Variants in DNAJB13 observed in about 807,000 individuals in gnomAD.
DNAJB13 encodes DnaJ heat shock protein family (Hsp40) member B13.
DNAJB13 carries 22 observed loss-of-function variants against 35.6 expected under a neutral mutation model. The ratio of observed to expected loss-of-function variants is 0.62; its 90% CI spans 0.44 to 0.88. The LOEUF is 0.88. Among genes scored for constraint, DNAJB13 ranks in the 40% least tolerant of loss-of-function variants. The pLI is 0.00. For synonymous variants in DNAJB13, 136 were observed against 144.2 expected (o/e 0.94, Z 0.41); for missense variants, 370 against 384.3 (o/e 0.96, Z 0.31).
chr11:73,969,861 C>T, intron 7 of DNAJB13, 100 bp from the exon 8 acceptor site: 1 of 1,437,906 alleles, frequency 7.0e-7, no homozygotes, highest in South Asian at 1.5e-5. Flanking sequence ...CAGTGACTGT[C>T]CCCTTCCTGG....
intron 4 of DNAJB13, 27 bp from the exon 5 acceptor site, chr11:73,966,111 C>T: frequency 6.3e-7 from 1 of 1,594,918 alleles, no homozygotes; most frequent in East Asian, 2.2e-5. Context: ...CTAAGCAGAC[C>T]TCCCCACACC....
At chr11:73,954,032 A>ATATTAT (rs377643013) in intron 1 of DNAJB13, among the ~76,000 whole-genome samples, 46 of 145,276 alleles carry the variant, frequency 3.2e-4, no homozygotes, top group African/African-American at 1.1e-3. Context: ...AATAATAATA[A>ATATTAT]TAATAATAAT....
At chr11:73,952,017 C>A (rs1449238213) in intron 1 of DNAJB13, among the ~76,000 whole-genome samples, 1 of 152,196 alleles carries the variant, frequency 6.6e-6, no homozygotes, top group Non-Finnish European at 1.5e-5. Flanking sequence ...TACTTCACTC[C>A]TGCTGCAGTG....
rs117097339 is a variant in DNAJB13, at chr11:73,965,109, G to C, written c.492+74G>C. Reference sequence around the variant, plus strand: ...TAGCAGCTGCCTCCTCCCTTACCTGGGTGGGAGGACTCAGGGATGGTCTCT... The same window carrying C: ...TAGCAGCTGCCTCCTCCCTTACCTGCGTGGGAGGACTCAGGGATGGTCTCT... On this transcript the variant is annotated intron_variant, in intron 4 of 7. Transcript: ENST00000339764. 0.018 allele frequency: 25,594 copies of C among 1,449,626 alleles called. 271 individuals are homozygous for C. The highest frequency in any genetic ancestry group is 0.027 in the Middle Eastern group (116 of 4,276). 89.8% of individuals were successfully genotyped at this position (1,449,626 alleles called of 1,614,324 possible).
chr11:73,967,405 A>G (rs1404587009), intron 5 of DNAJB13, among the ~76,000 whole-genome samples: 1 of 152,212 alleles, frequency 6.6e-6, no homozygotes, highest in Admixed American at 6.5e-5. Flanking sequence ...GCCAGGGAAG[A>G]CACATTCCTT....
In DNAJB13 at chr11:73,969,705, C is replaced by T. The variant is rs114530185; in HGVS notation, c.798-256C>T. 0.016 allele frequency among the ~76,000 whole-genome samples: 2,402 copies of T among 152,218 alleles called. 61 individuals carry two copies. The highest frequency in any genetic ancestry group is 0.056 in the African/African-American group (2,308 of 41,504). On this transcript the variant is annotated intron_variant, in intron 7 of 7. Transcript: ENST00000339764. ...GGCAGCCCAGCACCCTCGCCCTCAC[C>T]CCAGGGTTTGCTCACCTTTACTTCC...
intron 5 of DNAJB13, among the ~76,000 whole-genome samples, chr11:73,966,688 ATTT>A (rs1951126154): frequency 6.6e-6 from 1 of 151,516 alleles, no homozygotes; most frequent in African/African-American, 2.4e-5. Context: ...TTATTTATTT[ATTT>A]TTATTTTGAG....
rs568242953 is a variant in DNAJB13 at position 73,966,082 on chromosome 11, G to A, written c.493-56G>A. On this transcript the variant is annotated intron_variant, in intron 4 of 7. Coordinates refer to ENST00000339764, the MANE Select transcript of DNAJB13 (RefSeq NM_153614.4). ...GTTCATGAAAATCTGAGCAAATCTC[G>A]ACTGTACTCATGGAAGTCCTAAGCA... 41 of 1,499,272 alleles carry A rather than the reference G, an allele frequency of 2.7e-5. No individual in the cohort carries two copies. In the African/African-American group the frequency reaches 4.3e-4, roughly 16 times the overall value. The allele number at this position is 1,499,272 out of a possible 1,614,324, so 92.9% of individuals were successfully genotyped here.
intron 4 of DNAJB13, chr11:73,965,240 C>T (rs548608703): frequency 3.9e-6 from 2 of 513,200 alleles, no homozygotes; most frequent in South Asian, 3.1e-5. Flanking sequence ...TTTCCTAGTG[C>T]AGGAGTGCCC....
At position 73,968,147 on chromosome 11, in the gene DNAJB13, G is replaced by T. The variant is rs528615565; in HGVS notation, c.607-198G>T. ...GCATGCTCAGTACAGAAGTAATTCT[G>T]GGGGGATTCATTTGGGTAAGCTTCT... On this transcript the variant is annotated intron_variant, in intron 5 of 7. Coordinates refer to ENST00000339764, the MANE Select transcript of DNAJB13 (RefSeq NM_153614.4). 11 of 604,924 alleles carry T rather than the reference G, an allele frequency of 1.8e-5. No individual in the cohort carries two copies. In the South Asian group the frequency reaches 2.2e-4, roughly 12 times the overall value. The allele number at this position is 604,924 out of a possible 1,614,324, so 37.5% of individuals were successfully genotyped here.
chr11:73,951,348 C>A (rs1950581068), intron 1 of DNAJB13, among the ~76,000 whole-genome samples: 1 of 152,190 alleles, frequency 6.6e-6, no homozygotes, highest in African/African-American at 2.4e-5. Context: ...TGCTCCCAAC[C>A]CATCTCCCTT....
At chr11:73,960,037 G>A (rs1292725434) in intron 3 of DNAJB13, among the ~76,000 whole-genome samples, 1 of 152,056 alleles carries the variant, frequency 6.6e-6, no homozygotes, top group East Asian at 1.9e-4. Context: ...CAAAGTGCTA[G>A]GATTACAGGC....
At chr11:73,965,071 A>G (rs764051914) in intron 4 of DNAJB13, 36 bp downstream of exon 4, 6 of 1,530,842 alleles carry the variant, frequency 3.9e-6, no homozygotes, top group Middle Eastern at 2.0e-4. Flanking sequence ...GGAGCCACCT[A>G]TCTCCTGCAG....
chr11:73,966,136 A>G lies in DNAJB13; in HGVS notation c.493-2A>G. On this transcript the variant is annotated splice_acceptor_variant, in intron 4 of 7. Transcript: ENST00000339764. LOFTEE classifies it high-confidence loss of function. ...CTCCCCACACCTGATATGTTGCTAT[A>G]GGTGCTGAACGAGGATGGGTACTCC... 6.2e-7 allele frequency: 1 copy of G among 1,611,632 alleles called. No individual in the cohort carries two copies. The highest frequency in any genetic ancestry group is 1.1e-5 in the South Asian group (1 of 90,056).
At chr11:73,968,140 T>C (rs1206619792) in intron 5 of DNAJB13, 2 of 600,064 alleles carry the variant, frequency 3.3e-6, no homozygotes, top group African/African-American at 3.7e-5. Flanking sequence ...AGTACAGAAG[T>C]AATTCTGGGG....
chr11:73,958,151 G>T (rs1319331790), intron 1 of DNAJB13, among the ~76,000 whole-genome samples, 166 bp from the exon 2 acceptor site: 2 of 152,222 alleles, frequency 1.3e-5, no homozygotes, highest in Admixed American at 1.3e-4. Flanking sequence ...CCCCGCACCA[G>T]CTACTCTTCA....
chr11:73,952,904 A>G (rs1023385439), intron 1 of DNAJB13, among the ~76,000 whole-genome samples: 1 of 135,864 alleles, frequency 7.4e-6, no homozygotes, highest in African/African-American at 2.7e-5. Context: ...TCCAGCAATC[A>G]TTTGCATGTG....
chr11:73,969,281 A>G lies in DNAJB13; in HGVS notation c.756A>G (p.Leu252=). The G allele has an allele frequency of 1.1e-6, 1 of 872,766 alleles. No individual in the cohort carries two copies. The highest frequency in any genetic ancestry group is 2.0e-6 in the Non-Finnish European group (1 of 501,596). The allele number at this position is 872,766 out of a possible 1,614,324, so 54.1% of individuals were successfully genotyped here. The change falls in exon 7 of 8, where the codon CTA becomes CTG. Residue 252 remains leucine, a synonymous_variant. Transcript: ENST00000339764. The part of the protein sequence containing the change: ...LTCCTVEVRT[L]DDRLLNIPIN... Reference sequence around the variant, plus strand: ...GCTGCACTGTGGAGGTGAGGACCCTAGATGACCGTCTGCTCAACATCCCCA... The same window carrying G: ...GCTGCACTGTGGAGGTGAGGACCCTGGATGACCGTCTGCTCAACATCCCCA...
intron 4 of DNAJB13, 82 bp from the exon 5 acceptor site, chr11:73,966,056 T>C (rs1397006113): frequency 7.1e-6 from 9 of 1,270,442 alleles, no homozygotes; most frequent in Non-Finnish European, 1.0e-5. Context: ...GTCACCTGAG[T>C]GTTCATGAAA....
Sources: gnomAD v4.1 joint callset for allele counts (sites outside exome capture counted in the v4.1 genomes callset) on GRCh38, gnomAD v4.1.1 for gene constraint, MANE v1.5 for transcripts, NCBI Gene and HGNC (gene_info 2026-07-23, HGNC 2026-07-21) for gene names.